Variants in JMJD1C observed in about 807,000 individuals in gnomAD.
JMJD1C encodes jumonji domain containing 1C, also known as jumonji domain-containing protein 1C.
In JMJD1C, 31 loss-of-function variants were observed where a neutral mutation model predicts 245.3. That is an observed-to-expected ratio of 0.13 (90% CI 0.09 to 0.17). The LOEUF is 0.17. JMJD1C is among the 10% of genes least tolerant of loss of function. The pLI is 1.00. For synonymous variants in JMJD1C, 1,057 were observed against 1,017.4 expected (o/e 1.04, Z -0.74); for missense variants, 2,691 against 3,000.2 (o/e 0.90, Z 2.41).
intron 1 of JMJD1C, among the ~76,000 whole-genome samples, chr10:63,512,214 A>C (rs1431111141): frequency 1.3e-5 from 2 of 152,192 alleles, no homozygotes; most frequent in Non-Finnish European, 2.9e-5. Context: ...TATCTGTCAG[A>C]TCAATTATGA....
chr10:63,380,368 G>A lies in JMJD1C; in HGVS notation c.283C>T (p.Pro95Ser). The change falls in exon 2 of 26, where the codon CCT becomes TCT. Residue 95 changes from proline (P) to serine (S), a missense_variant. Pro to Ser is a moderately conservative substitution (Grantham distance 74). Coordinates refer to ENST00000399262, the MANE Select transcript of JMJD1C (RefSeq NM_032776.3). The part of the protein sequence containing the change: ...YHLIWAKRND[P>S]SQTQGSKSKQ... ...CTCTTTGATCCCTGAGTCTGGCTAG[G>A]GTCATTCCTTTTGGCCCAGATTAAG... 1 of 1,613,826 alleles carries A rather than the reference G, an allele frequency of 6.2e-7. No homozygotes were observed. The highest frequency in any genetic ancestry group is 8.5e-7 in the Non-Finnish European group (1 of 1,179,922).
chr10:63,327,331 A>C (rs1035132804), intron 2 of JMJD1C, among the ~76,000 whole-genome samples: 4 of 152,198 alleles, frequency 2.6e-5, no homozygotes, highest in African/African-American at 7.2e-5. Flanking sequence ...TTGCTTCATC[A>C]ATGTAAATAA....
At chr10:63,243,899 T>G (rs1422004133) in intron 3 of JMJD1C, among the ~76,000 whole-genome samples, 1 of 152,162 alleles carries the variant, frequency 6.6e-6, no homozygotes, top group Non-Finnish European at 1.5e-5. Context: ...CTATCTGCAG[T>G]GCCCCTCCCA....
intron 1 of JMJD1C, among the ~76,000 whole-genome samples, chr10:63,413,935 T>C (rs764846556): frequency 3.3e-5 from 5 of 151,256 alleles, no homozygotes; most frequent in African/African-American, 7.3e-5. Flanking sequence ...GAATGAAAAA[T>C]ACCTACTTTT....
chr10:63,219,981 G>A lies in JMJD1C; in HGVS notation c.450C>T (p.Asp150=), dbSNP rs745506808. Residue 150 remains aspartate (D), a splice_region_variant and synonymous_variant, in exon 4 of 26, where the codon GAC becomes GAT. Coordinates refer to ENST00000399262, the MANE Select transcript of JMJD1C (RefSeq NM_032776.3). ...GAACTGGGTTTAGGCTGTCTATGTC[G>A]TCCTAGAATTATAGATTAAAAGAAA... ...TEDSAFQPYQ[D]DIDSLNPVLR... 30 of 1,606,642 alleles carry A rather than the reference G, an allele frequency of 1.9e-5. No homozygotes were observed. The highest frequency in any genetic ancestry group is 2.2e-5 in the South Asian group (2 of 90,292).
intron 1 of JMJD1C, among the ~76,000 whole-genome samples, chr10:63,417,282 C>A (rs374451869): frequency 6.6e-6 from 1 of 152,128 alleles, no homozygotes; most frequent in Non-Finnish European, 1.5e-5. Flanking sequence ...ACATAGATGA[C>A]GTACTACTAT....
intron 2 of JMJD1C, among the ~76,000 whole-genome samples, chr10:63,335,032 A>AAAG (rs1942571285): frequency 7.0e-6 from 1 of 143,156 alleles, no homozygotes; most frequent in Non-Finnish European, 1.5e-5. Context: ...GGAAAAAAAT[A>AAAG]AAAAAAAAAA....
At chr10:63,289,325 A>C (rs1858365966) in intron 2 of JMJD1C, among the ~76,000 whole-genome samples, 1 of 151,534 alleles carries the variant, frequency 6.6e-6, no homozygotes, top group African/African-American at 2.4e-5. Context: ...AAACATAAAC[A>C]TTTTTTCTCT....
intron 2 of JMJD1C, among the ~76,000 whole-genome samples, chr10:63,310,911 A>G (rs900235856): frequency 1.3e-5 from 2 of 152,184 alleles, no homozygotes; most frequent in African/African-American, 2.4e-5. Flanking sequence ...TTAAGATACG[A>G]TTTTATATTT....
At chr10:63,239,816 G>C (rs539137464) in intron 3 of JMJD1C, among the ~76,000 whole-genome samples, 6 of 152,250 alleles carry the variant, frequency 3.9e-5, no homozygotes, top group Non-Finnish European at 7.4e-5. Context: ...AGAATGATCA[G>C]GAAGAAAAAC....
Position 63,465,713 on chromosome 10 carries a change from T to C in JMJD1C, c.-51A>G. The C allele has an allele frequency of 6.3e-7, 1 of 1,594,566 alleles. No homozygotes were observed. The highest frequency in any genetic ancestry group is 8.5e-7 in the Non-Finnish European group (1 of 1,174,198). ...GCCTCCTCCAGTGCGAGGGAACCGA[T>C]GAAACCTCACTCCTACCGGCCGCTC... On this transcript the variant is annotated 5_prime_UTR_variant, in exon 1 of 26. Coordinates refer to ENST00000399262, the MANE Select transcript of JMJD1C (RefSeq NM_032776.3).
At chr10:63,414,696 T>G (rs1949698014) in intron 1 of JMJD1C, among the ~76,000 whole-genome samples, 2 of 152,096 alleles carry the variant, frequency 1.3e-5, no homozygotes, top group Non-Finnish European at 2.9e-5. Flanking sequence ...AAGACCAGCC[T>G]GGCCAACATG....
chr10:63,436,043 A>C (rs997868564), intron 1 of JMJD1C, among the ~76,000 whole-genome samples: 1 of 152,258 alleles, frequency 6.6e-6, no homozygotes, highest in African/African-American at 2.4e-5. Context: ...ATATTCTATC[A>C]ACAACAGTGC....
chr10:63,319,244 G>C (rs1035410395), intron 2 of JMJD1C, among the ~76,000 whole-genome samples: 1 of 128,088 alleles, frequency 7.8e-6, no homozygotes, highest in Non-Finnish European at 1.6e-5. Flanking sequence ...GCGACAGAGC[G>C]AGACTCCATC....
At chr10:63,510,252 C>T (rs939170396) in intron 1 of JMJD1C, among the ~76,000 whole-genome samples, 6 of 152,128 alleles carry the variant, frequency 3.9e-5, no homozygotes, top group South Asian at 2.1e-4. Flanking sequence ...ATCCACCCCC[C>T]TCGGCCTCCC....
At position 63,201,298 on chromosome 10, in the gene JMJD1C, T is replaced by C. The variant is rs140067148; in HGVS notation, c.5075-621A>G. 2.0e-5 allele frequency among the ~76,000 whole-genome samples: 3 copies of C among 152,244 alleles called. No homozygotes were observed. The East Asian group carries it at 5.8e-4, about 29-fold the overall frequency. ...TACCCTGCATTTGATATCAACATAC[T>C]GATGGTGGCAGTATCTTTTAGAAAA... On this transcript the variant is annotated intron_variant, in intron 10 of 25. Transcript: ENST00000399262.
Position 63,183,523 on chromosome 10 carries a change from A to G in JMJD1C, c.7008T>C (p.His2336=), listed in dbSNP as rs1843732970. ...TATTTACAACATCAGAAACTTCAAT[A>G]TGGAGATTTGTTGTTCCTATATCAT... ...KDHDIGTTNL[H]IEVSDVVNIL... is the part of the protein sequence containing the mutation. The change falls in exon 22 of 26, where the codon CAT becomes CAC. Residue 2336 remains histidine (H), a synonymous_variant. Coordinates refer to ENST00000399262, the MANE Select transcript of JMJD1C (RefSeq NM_032776.3). 1 of 1,606,880 alleles carries G rather than the reference A, an allele frequency of 6.2e-7. No individual in the cohort carries two copies. Among genetic ancestry groups the G allele is most frequent in the South Asian group, 1.1e-5 (1 of 90,556 alleles).
chr10:63,418,838 G>A (rs1949945528), intron 1 of JMJD1C, among the ~76,000 whole-genome samples: 1 of 152,094 alleles, frequency 6.6e-6, no homozygotes, highest in Non-Finnish European at 1.5e-5. Context: ...CCAGCATTTT[G>A]GGAGGCCGAG....
intron 2 of JMJD1C, among the ~76,000 whole-genome samples, chr10:63,326,367 G>GC (rs1247179641): frequency 6.7e-6 from 1 of 148,604 alleles, no homozygotes; most frequent in Non-Finnish European, 1.5e-5. Context: ...GAGACAGAGC[G>GC]CAATTCCATC....
Sources: gnomAD v4.1 joint callset for allele counts (sites outside exome capture counted in the v4.1 genomes callset) on GRCh38, gnomAD v4.1.1 for gene constraint, MANE v1.5 for transcripts, NCBI Gene and HGNC (gene_info 2026-07-23, HGNC 2026-07-21) for gene names.